The following CCDC3 variants were observed in gnomAD, a reference collection of about 807,000 sequenced individuals.
CCDC3 encodes the protein coiled-coil domain containing 3.
A neutral mutation model predicts 21.4 loss-of-function variants in CCDC3; 24 were observed. The observed-to-expected ratio is 1.12, with a 90% confidence interval of 0.81 to 1.58. The LOEUF (loss-of-function observed/expected upper bound fraction) is 1.58, where lower values mean the gene tolerates loss of function less well. Ranked by LOEUF, CCDC3 falls within the 40% of genes most tolerant of loss-of-function variation. The pLI is 0.00. For synonymous variants in CCDC3, 186 were observed against 166.0 expected, an observed-to-expected ratio of 1.12 and a Z score of -0.93; for missense variants, 425 against 360.9, an observed-to-expected ratio of 1.18 and a Z score of -1.44.
chr10:12,950,013 C>G (rs899313415), intron 2 of CCDC3, among the ~76,000 whole-genome samples: 1 of 152,238 alleles, frequency 6.6e-6, no homozygotes, highest in Admixed American at 6.5e-5. Flanking sequence ...TGCCACCTGT[C>G]ACATCCAAGC....
chr10:13,053,767 C>A (rs1357126253), intron 4 of CCDC3, among the ~76,000 whole-genome samples: 4 of 152,138 alleles, frequency 2.6e-5, no homozygotes, highest in African/African-American at 9.7e-5. Flanking sequence ...CTCGTTTGAT[C>A]CTGATAAGCC....
At chr10:12,904,283 A>G (rs1834137691) in intron 2 of CCDC3, among the ~76,000 whole-genome samples, 1 of 151,956 alleles carries the variant, frequency 6.6e-6, no homozygotes, top group South Asian at 2.1e-4. Context: ...CCTGGGAAAC[A>G]CAGGGAGACC....
At chr10:12,948,273 CTG>C (rs1340572999) in intron 2 of CCDC3, among the ~76,000 whole-genome samples, 1 of 152,206 alleles carries the variant, frequency 6.6e-6, no homozygotes, top group Non-Finnish European at 1.5e-5. Flanking sequence ...CCACATGGAA[CTG>C]TGAGTCCATT....
At chr10:12,922,408 A>T (rs1564284926) in intron 2 of CCDC3, among the ~76,000 whole-genome samples, 1 of 152,040 alleles carries the variant, frequency 6.6e-6, no homozygotes, top group Non-Finnish European at 1.5e-5. Context: ...AACCACTTGC[A>T]TGAGTTAGAA....
chr10:13,071,420 C>G (rs1226620564), intron 4 of CCDC3, among the ~76,000 whole-genome samples: 2 of 152,188 alleles, frequency 1.3e-5, no homozygotes, highest in East Asian at 3.8e-4. Flanking sequence ...AGACACAGCA[C>G]AGGTGAGCAT....
At chr10:12,972,548 G>A (rs1035636838) in intron 2 of CCDC3, among the ~76,000 whole-genome samples, 3 of 152,306 alleles carry the variant, frequency 2.0e-5, no homozygotes, top group Admixed American at 1.3e-4. Flanking sequence ...AGGCACGATG[G>A]CATATGCCTG....
intron 2 of CCDC3, among the ~76,000 whole-genome samples, chr10:12,943,672 C>T (rs540717170): frequency 1.6e-4 from 24 of 152,300 alleles, no homozygotes; most frequent in African/African-American, 5.5e-4. Context: ...TCTTTGTGTA[C>T]TATGTAAATG....
chr10:13,058,911 A>T (rs1338581894), intron 4 of CCDC3, among the ~76,000 whole-genome samples: 1 of 152,218 alleles, frequency 6.6e-6, no homozygotes, highest in Non-Finnish European at 1.5e-5. Flanking sequence ...CATATGACTC[A>T]GGCATATTCT....
intron 3 of CCDC3, among the ~76,000 whole-genome samples, chr10:13,079,795 G>A (rs571205638): frequency 2.0e-5 from 3 of 152,300 alleles, no homozygotes; most frequent in African/African-American, 7.2e-5. Flanking sequence ...GAAAGGGGGA[G>A]GAGAAGAGAG....
intron 2 of CCDC3, among the ~76,000 whole-genome samples, chr10:12,932,234 A>T (rs1270166841): frequency 2.0e-5 from 3 of 152,182 alleles, no homozygotes; most frequent in Non-Finnish European, 4.4e-5. Flanking sequence ...CTTGTAAGTA[A>T]TGTTTCTTGA....
chr10:12,951,046 G>T (rs761445967), intron 2 of CCDC3, among the ~76,000 whole-genome samples: 2 of 152,190 alleles, frequency 1.3e-5, no homozygotes, highest in Non-Finnish European at 2.9e-5. Flanking sequence ...CCAAGCAGGA[G>T]CTGAGGCAAT....
At chr10:12,992,345 C>T (rs749673867) in intron 2 of CCDC3, among the ~76,000 whole-genome samples, 5 of 152,022 alleles carry the variant, frequency 3.3e-5, no homozygotes, top group Admixed American at 1.3e-4. Flanking sequence ...GCTGAGATTG[C>T]GCCACTGCAC....
At chr10:13,053,917 G>C (rs1836645222) in intron 4 of CCDC3, among the ~76,000 whole-genome samples, 1 of 152,060 alleles carries the variant, frequency 6.6e-6, no homozygotes, top group Admixed American at 6.6e-5. Flanking sequence ...GGCTGAGGTG[G>C]GTGGATCACT....
At chr10:12,995,803 A>G (rs529529424) in intron 2 of CCDC3, among the ~76,000 whole-genome samples, 180 of 152,334 alleles carry the variant, frequency 1.2e-3, no homozygotes, top group African/African-American at 4.1e-3. Flanking sequence ...TTCTCCCCCA[A>G]GATCAACATC....
chr10:13,046,132 A>G (rs1263422227), intron 5 of CCDC3, among the ~76,000 whole-genome samples: 1 of 151,178 alleles, frequency 6.6e-6, no homozygotes. Context: ...TAAGCTGGGC[A>G]TGGTTGCTCA....
At chr10:12,994,635 A>G (rs1388164355) in intron 2 of CCDC3, among the ~76,000 whole-genome samples, 1 of 152,190 alleles carries the variant, frequency 6.6e-6, no homozygotes, top group African/African-American at 2.4e-5. Flanking sequence ...AAGAGTGATC[A>G]TAACAGCAAT....
chr10:12,912,197 TG>T (rs1834280588), intron 2 of CCDC3, among the ~76,000 whole-genome samples: 1 of 152,210 alleles, frequency 6.6e-6, no homozygotes, highest in Non-Finnish European at 1.5e-5. Flanking sequence ...CTTAATTTTT[TG>T]AGAAAACTCC....
intron 2 of CCDC3, among the ~76,000 whole-genome samples, chr10:12,970,895 A>G (rs998599908): frequency 1.1e-4 from 16 of 152,186 alleles, no homozygotes; most frequent in African/African-American, 2.4e-4. Context: ...CTCAAAAAAA[A>G]AAAAAAAATT....
chr10:12,978,544 T>C (rs1434119750), intron 2 of CCDC3, among the ~76,000 whole-genome samples: 2 of 118,752 alleles, frequency 1.7e-5, no homozygotes, highest in African/African-American at 3.8e-5. Context: ...TCCTGGAGAA[T>C]GGAACCAGAG....
Sources: gnomAD v4.1 joint callset for allele counts (sites outside exome capture counted in the v4.1 genomes callset) on GRCh38, gnomAD v4.1.1 for gene constraint, MANE v1.5 for transcripts, NCBI Gene and HGNC (gene_info 2026-07-23, HGNC 2026-07-21) for gene names.